The following STK17B variants were observed in gnomAD, a reference collection of about 807,000 sequenced individuals.
STK17B encodes the protein serine/threonine kinase 17b.
Under a neutral mutation model 42.0 loss-of-function variants are expected in STK17B, and 21 were observed. The ratio of observed to expected loss-of-function variants is 0.50; its 90% confidence interval spans 0.35 to 0.72. The LOEUF (loss-of-function observed/expected upper bound fraction) is 0.72, where lower values mean the gene tolerates loss of function less well. Ranked by LOEUF, STK17B falls within the 30% of genes least tolerant of loss-of-function variation. The pLI, the probability that STK17B is intolerant of heterozygous loss-of-function variation, is 0.00. For synonymous variants in STK17B, 143 were observed against 148.4 expected (o/e 0.96, Z 0.26); for missense variants, 349 against 446.0 (o/e 0.78, Z 1.96).
intron 2 of STK17B, among the ~76,000 whole-genome samples, chr2:196,159,782 T>C (rs6740426): frequency 0.73 from 111,279 of 152,168 alleles, 41,145 homozygotes; most frequent in East Asian, 0.92. Context: ...ATCTACAGTT[T>C]GTTAACACAT....
chr2:196,139,946 TA>T, intron 6 of STK17B, 147 bp from the exon 7 acceptor site: 2 of 494,236 alleles, frequency 4.0e-6, no homozygotes, highest in Non-Finnish European at 6.4e-6. Context: ...CCTATATTAT[TA>T]AAACTAAAAT....
At chr2:196,163,551 C>A in intron 1 of STK17B, 124 bp from the exon 2 acceptor site, 1 of 743,784 alleles carries the variant, frequency 1.3e-6, no homozygotes, top group Non-Finnish European at 1.9e-6. Context: ...AGAGCACATT[C>A]TATCCACAAG....
At chr2:196,157,495 T>TGTTGTTGTGTTGTTCCTTTCA (rs1699755162) in intron 2 of STK17B, among the ~76,000 whole-genome samples, 1 of 152,244 alleles carries the variant, frequency 6.6e-6, no homozygotes, top group Non-Finnish European at 1.5e-5. Context: ...ACACAATTTT[T>TGTTGTTGTGTTGTTCCTTTCA]ACCACCTTTG....
intron 2 of STK17B, among the ~76,000 whole-genome samples, chr2:196,159,307 GGTT>G (rs1270821344): frequency 3.1e-5 from 4 of 130,394 alleles, no homozygotes; most frequent in South Asian, 2.8e-4. Flanking sequence ...ATTACCAAGA[GGTT>G]GTTTTTTTTT....
chr2:196,173,560 G>A (rs1488007828), upstream of STK17B, among the ~76,000 whole-genome samples: 2 of 152,210 alleles, frequency 1.3e-5, no homozygotes, highest in Non-Finnish European at 2.9e-5. Flanking sequence ...CTGGTGCTGA[G>A]GAGGAGGCAG....
upstream of STK17B, among the ~76,000 whole-genome samples, chr2:196,171,894 C>T (rs921431492): frequency 1.3e-5 from 2 of 152,122 alleles, no homozygotes; most frequent in African/African-American, 4.8e-5. Context: ...TGTACTCCTT[C>T]CCACCTTCAG....
In STK17B at chr2:196,162,415, T is replaced by TTC. The variant is rs973759542; in HGVS notation, c.122+846_122+847insGA. On this transcript the variant is annotated intron_variant, in intron 2 of 7. Transcript: ENST00000263955. ...ATCTCCCTATTTCTTCTTCTTCTTC[T>TTC]TTTTTTTTTTTTTTTAAGCCAAGCA... Among the ~76,000 whole-genome samples the TTC allele has an allele frequency of 4.1e-5, 5 of 123,136 alleles. No individual in the cohort carries two copies. The South Asian group carries it at 6.8e-4, about 17-fold the overall frequency. 80.8% of individuals were successfully genotyped at this position (123,136 alleles called of 152,430 possible).
At chr2:196,141,130 T>C (rs1699488637) in intron 6 of STK17B, 119 bp downstream of exon 6, 2 of 722,812 alleles carry the variant, frequency 2.8e-6, no homozygotes, top group Non-Finnish European at 4.6e-6. Context: ...AATAATGATA[T>C]TCAAATAAAA....
upstream of STK17B, among the ~76,000 whole-genome samples, chr2:196,171,801 G>A (rs1699950229): frequency 6.7e-6 from 1 of 149,574 alleles, no homozygotes; most frequent in African/African-American, 2.4e-5. Flanking sequence ...CGGCGCAGGT[G>A]GGGCGCACTC....
intron 1 of STK17B, among the ~76,000 whole-genome samples, chr2:196,169,892 A>G (rs1002681453): frequency 7.8e-5 from 9 of 115,328 alleles, no homozygotes; most frequent in Non-Finnish European, 1.5e-4. Flanking sequence ...CTACTTTAGA[A>G]AAAAAAAAAG....
chr2:196,140,053 A>G (rs1699471657), intron 6 of STK17B, among the ~76,000 whole-genome samples: 1 of 152,242 alleles, frequency 6.6e-6, no homozygotes, highest in Non-Finnish European at 1.5e-5. Context: ...GCTACCGTCT[A>G]TCCTTCACAC....
At chr2:196,145,163 A>G (rs1699552864) in intron 4 of STK17B, among the ~76,000 whole-genome samples, 1 of 150,426 alleles carries the variant, frequency 6.6e-6, no homozygotes, top group Admixed American at 6.8e-5. Context: ...ACAGAACTAC[A>G]GGGTTTTTTC....
chr2:196,169,178 C>T (rs562264152), intron 1 of STK17B, among the ~76,000 whole-genome samples: 11 of 150,026 alleles, frequency 7.3e-5, no homozygotes, highest in African/African-American at 2.7e-4. Flanking sequence ...CCGGGTCAAG[C>T]AACTCTTCTG....
At chr2:196,139,181 G>T (rs1329674642) in intron 7 of STK17B, among the ~76,000 whole-genome samples, 1 of 151,592 alleles carries the variant, frequency 6.6e-6, no homozygotes, top group African/African-American at 2.4e-5. Flanking sequence ...AGCCAGGAGG[G>T]TCTCAATCTC....
chr2:196,158,276 T>C (rs1699764655), intron 2 of STK17B, among the ~76,000 whole-genome samples: 1 of 152,178 alleles, frequency 6.6e-6, no homozygotes, highest in Admixed American at 6.5e-5. Context: ...AAGGCCAAGA[T>C]GACAAAGAGT....
At chr2:196,169,343 G>A (rs910828668) in intron 1 of STK17B, among the ~76,000 whole-genome samples, 1 of 152,104 alleles carries the variant, frequency 6.6e-6, no homozygotes, top group Non-Finnish European at 1.5e-5. Context: ...GGGATTACAG[G>A]CTTGAGCCAC....
chr2:196,154,797 C>T (rs1046023840), intron 3 of STK17B: 14 of 152,148 alleles, frequency 9.2e-5, no homozygotes, highest in African/African-American at 3.1e-4. Flanking sequence ...ACCCCAAAAG[C>T]GGAAGGCATA....
intron 7 of STK17B, among the ~76,000 whole-genome samples, chr2:196,138,785 A>G (rs1699447990): frequency 6.6e-6 from 1 of 151,822 alleles, no homozygotes; most frequent in African/African-American, 2.4e-5. Flanking sequence ...TATATTGGCC[A>G]GGCTAGTCTC....
chr2:196,146,332 C>T (rs1699574591), intron 3 of STK17B, among the ~76,000 whole-genome samples: 1 of 151,962 alleles, frequency 6.6e-6, no homozygotes, highest in African/African-American at 2.4e-5. Context: ...CATGGTGAAA[C>T]ATCTCTACTA....
Sources: gnomAD v4.1 joint callset for allele counts (sites outside exome capture counted in the v4.1 genomes callset) on GRCh38, gnomAD v4.1.1 for gene constraint, MANE v1.5 for transcripts, NCBI Gene and HGNC (gene_info 2026-07-23, HGNC 2026-07-21) for gene names.